The following SRP54 variants were observed in gnomAD, a reference collection of about 807,000 sequenced individuals.
The protein encoded by SRP54 is signal recognition particle subunit SRP54.
Under a neutral mutation model 64.8 loss-of-function variants are expected in SRP54, and 10 were observed. The observed-to-expected ratio is 0.15, with a 90% CI of 0.10 to 0.26. The LOEUF (loss-of-function observed/expected upper bound fraction) is 0.26. Ranked by LOEUF, SRP54 falls within the 10% of genes least tolerant of loss-of-function variation. SRP54 has a pLI of 1.00. For synonymous variants in SRP54, 193 were observed against 185.6 expected, an observed-to-expected ratio of 1.04 and a Z score of -0.32; for missense variants, 325 against 613.7, an observed-to-expected ratio of 0.53 and a Z score of 4.97.
intron 4 of SRP54, among the ~76,000 whole-genome samples, chr14:35,003,903 C>T (rs1479695788): frequency 1.3e-5 from 2 of 150,470 alleles, no homozygotes; most frequent in Non-Finnish European, 3.0e-5. Flanking sequence ...CACTGCACTC[C>T]AGCCTGGGTG....
At chr14:34,997,982 G>T (rs560495975) in intron 2 of SRP54, among the ~76,000 whole-genome samples, 2 of 152,026 alleles carry the variant, frequency 1.3e-5, no homozygotes, top group African/African-American at 4.8e-5. Flanking sequence ...TTGGTGGGAG[G>T]TAGAGTAACA....
At chr14:35,007,254 T>C (rs748963551) in intron 4 of SRP54, 29 bp from the exon 5 acceptor site, 1 of 1,489,998 alleles carries the variant, frequency 6.7e-7, no homozygotes, top group Non-Finnish European at 9.2e-7. Flanking sequence ...TTAACCTGAT[T>C]TTATTTTTAA....
intron 11 of SRP54, among the ~76,000 whole-genome samples, chr14:35,016,658 A>G (rs571969741): frequency 7.9e-5 from 12 of 152,286 alleles, no homozygotes; most frequent in Non-Finnish European, 1.5e-4. Flanking sequence ...TTTTTATATT[A>G]TTCAGCACAA....
chr14:34,999,546 C>G lies in SRP54; in HGVS notation c.79-12C>G, dbSNP rs1363052968. The stretch of plus-strand genomic sequence containing the variant: ...TGGGTGCTTTAAATTTCATTTATTT[C>G]TTTATTTTCAGGTATTGAATGCTAT... On this transcript the variant is annotated splice_polypyrimidine_tract_variant and intron_variant, in intron 2 of 15. Transcript: ENST00000216774. 14 of 1,594,340 alleles carry G rather than the reference C, an allele frequency of 8.8e-6. No individual in the cohort carries two copies. Among genetic ancestry groups the G allele is most frequent in the Non-Finnish European group, 1.2e-5 (14 of 1,167,192 alleles).
intron 1 of SRP54, among the ~76,000 whole-genome samples, chr14:34,989,351 C>T (rs1295490845): frequency 6.6e-6 from 1 of 151,932 alleles, no homozygotes; most frequent in Non-Finnish European, 1.5e-5. Flanking sequence ...ACTAAAAATA[C>T]AAAAAATTAC....
chr14:35,011,372 T>G (rs765361583), intron 7 of SRP54, 137 bp from the exon 8 acceptor site: 1 of 547,168 alleles, frequency 1.8e-6, no homozygotes, highest in Non-Finnish European at 3.0e-6. Context: ...TTTAATACTT[T>G]ATAGATTTTC....
chr14:34,994,122 T>C (rs1283151348), intron 1 of SRP54, among the ~76,000 whole-genome samples: 2 of 152,142 alleles, frequency 1.3e-5, no homozygotes, highest in African/African-American at 2.4e-5. Context: ...GCCTTCTGAG[T>C]AGCTGGAATT....
Position 35,013,833 on chromosome 14 carries a change from A to G in SRP54, c.817A>G (p.Ile273Val), listed in dbSNP as rs746403621. Residue 273 changes from isoleucine (I) to valine (V), a missense_variant, in exon 10 of 16, where the codon ATT (isoleucine) becomes GTT (valine). Physicochemically the swap from Ile to Val is conservative, Grantham distance 29. Transcript: ENST00000216774. ...TGCCACAAAAAGTCCGATTATTTTC[A>G]TTGGTACAGGGGAACATATAGATGA... is the stretch of plus-strand genomic sequence containing the variant. ...VAATKSPIIFIGTGEHIDDFE... is the reference protein window; with the variant it reads ...VAATKSPIIFVGTGEHIDDFE... 5.5e-5 allele frequency: 88 copies of G among 1,611,300 alleles called. No individual in the cohort carries two copies. The highest frequency in any genetic ancestry group is 1.6e-4 in the Middle Eastern group (1 of 6,072).
chr14:35,015,498 G>C (rs997376577), intron 11 of SRP54, among the ~76,000 whole-genome samples: 2 of 152,140 alleles, frequency 1.3e-5, no homozygotes, highest in African/African-American at 4.8e-5. Flanking sequence ...TTCTGATTAG[G>C]AGCTCAGGTT....
chr14:34,994,156 G>A (rs1239124356), intron 1 of SRP54, among the ~76,000 whole-genome samples: 2 of 151,506 alleles, frequency 1.3e-5, no homozygotes, highest in African/African-American at 2.4e-5. Flanking sequence ...ACCATGCCCA[G>A]CTAATTTTTT....
At chr14:35,017,769 G>A (rs184306896) in intron 11 of SRP54, among the ~76,000 whole-genome samples, 337 of 152,218 alleles carry the variant, frequency 2.2e-3, no homozygotes, top group Admixed American at 4.0e-3. Flanking sequence ...TCAAGAAACA[G>A]AACATTTCCA....
chr14:34,984,877 G>A (rs949983429), intron 1 of SRP54, among the ~76,000 whole-genome samples: 1 of 150,256 alleles, frequency 6.7e-6, no homozygotes, highest in African/African-American at 2.5e-5. Flanking sequence ...AACTCATTAG[G>A]TCCAAAACCA....
intron 1 of SRP54, among the ~76,000 whole-genome samples, chr14:34,992,708 CAT>C (rs2043999778): frequency 6.6e-6 from 1 of 152,018 alleles, no homozygotes; most frequent in Admixed American, 6.6e-5. Flanking sequence ...ATATTTGGGT[CAT>C]GTGTGTATAA....
chr14:34,998,470 T>C (rs2044104045), intron 2 of SRP54, among the ~76,000 whole-genome samples: 1 of 152,110 alleles, frequency 6.6e-6, no homozygotes, highest in South Asian at 2.1e-4. Context: ...CAAGACTGGG[T>C]AACTTCCTTC....
Position 35,013,444 on chromosome 14 carries a change from A to G in SRP54, c.735A>G (p.Val245=). Residue 245 remains valine, a synonymous_variant, in exon 9 of 16, where the codon GTA becomes GTG. Transcript: ENST00000216774. ...AAGATAAAGTAGATGTAGCCTCAGT[A>G]ATAGTGACAAAACTTGATGGCCATG... The part of the protein sequence containing the change: ...AFKDKVDVAS[V]IVTKLDGHAK... The G allele has an allele frequency of 6.2e-7, 1 of 1,614,202 alleles. No individual in the cohort carries two copies. Among genetic ancestry groups the G allele is most frequent in the African/African-American group, 1.3e-5 (1 of 75,060 alleles).
At chr14:34,997,048 A>G (rs1594984634) in intron 2 of SRP54, 1 of 270,548 alleles carries the variant, frequency 3.7e-6, no homozygotes, top group African/African-American at 2.9e-5. Flanking sequence ...AAAATAACAT[A>G]TTTTATCTTT....
chr14:35,004,472 A>G (rs2044226812), intron 4 of SRP54: 1 of 152,218 alleles, frequency 6.6e-6, no homozygotes, highest in African/African-American at 2.4e-5. Context: ...TTACCAGTAT[A>G]AGATTCATTT....
At chr14:34,988,600 A>T (rs1180292097) in intron 1 of SRP54, among the ~76,000 whole-genome samples, 1 of 106,600 alleles carries the variant, frequency 9.4e-6, no homozygotes, top group Non-Finnish European at 2.3e-5. Context: ...TATATAACAT[A>T]TATATATATA....
intron 4 of SRP54, among the ~76,000 whole-genome samples, chr14:35,002,817 C>T (rs568752401): frequency 6.8e-6 from 1 of 146,124 alleles, no homozygotes; most frequent in Non-Finnish European, 1.5e-5. Flanking sequence ...AATCATGGCT[C>T]ACTGTAGCCT....
Sources: gnomAD v4.1 joint callset for allele counts (sites outside exome capture counted in the v4.1 genomes callset) on GRCh38, gnomAD v4.1.1 for gene constraint, MANE v1.5 for transcripts, NCBI Gene and HGNC (gene_info 2026-07-23, HGNC 2026-07-21) for gene names.